The following TRIO variants were observed in gnomAD, a reference collection of about 807,000 sequenced individuals.
TRIO encodes trio Rho guanine nucleotide exchange factor, also known as triple functional domain protein.
In TRIO, 58 loss-of-function variants were observed where a neutral mutation model predicts 351.9. The ratio of observed to expected loss-of-function variants is 0.16; its 90% CI spans 0.13 to 0.21. TRIO has a LOEUF of 0.21. TRIO is among the 10% of genes least tolerant of loss of function. The pLI is 1.00. For synonymous variants in TRIO, 1,758 were observed against 1,595.7 expected (o/e 1.10, Z -2.42); for missense variants, 3,201 against 4,027.8 (o/e 0.79, Z 5.56).
chr5:14,247,082 C>T (rs1379357468), intron 1 of TRIO, among the ~76,000 whole-genome samples: 1 of 152,272 alleles, frequency 6.6e-6, no homozygotes, highest in Non-Finnish European at 1.5e-5. Flanking sequence ...TCCCCCTTCC[C>T]CACAGCTCAG....
chr5:14,171,801 T>G (rs1450841739), intron 1 of TRIO, among the ~76,000 whole-genome samples: 2 of 152,036 alleles, frequency 1.3e-5, no homozygotes, highest in Non-Finnish European at 2.9e-5. Context: ...TGGTCGGTGG[T>G]TAGTAGATAT....
chr5:14,245,098 G>A (rs16903330), intron 1 of TRIO, among the ~76,000 whole-genome samples: 5,207 of 152,308 alleles, frequency 0.034, 313 homozygotes, highest in African/African-American at 0.12. Context: ...TGAAAAGATA[G>A]CATTTGCTGT....
chr5:14,399,283 A>G (rs990006841), intron 30 of TRIO: 7 of 550,622 alleles, frequency 1.3e-5, no homozygotes, highest in African/African-American at 1.1e-4. Flanking sequence ...GACTTAGGAA[A>G]CTTGCTCTTC....
At position 14,507,244 on chromosome 5, in the gene TRIO, C is replaced by CA; in HGVS notation, c.8736dup (p.His2913ThrfsTer7). 1 of 1,611,696 alleles carries CA rather than the reference C, an allele frequency of 6.2e-7. No homozygotes were observed. The highest frequency in any genetic ancestry group is 1.1e-5 in the South Asian group (1 of 90,942). On this transcript the variant is annotated frameshift_variant, in exon 56 of 57. Coordinates refer to ENST00000344204, the MANE Select transcript of TRIO (RefSeq NM_007118.4). LOFTEE classifies it high-confidence loss of function. ...CGGTACCTGCACAACTGCAGGATAG[C>CA]ACACCTGGACCTAAAGGTTGGTGAG...
At chr5:14,394,695 G>A (rs1008696532) in intron 28 of TRIO, among the ~76,000 whole-genome samples, 64 of 152,232 alleles carry the variant, frequency 4.2e-4, no homozygotes, top group African/African-American at 1.4e-3. Context: ...CATACAGACC[G>A]CAAGTATTGG....
At chr5:14,230,683 G>A (rs746213009) in intron 1 of TRIO, among the ~76,000 whole-genome samples, 7 of 151,600 alleles carry the variant, frequency 4.6e-5, no homozygotes, top group Non-Finnish European at 7.4e-5. Context: ...CCCCTAATAC[G>A]GCCCCATTTT....
chr5:14,224,484 A>T (rs1792850396), intron 1 of TRIO, among the ~76,000 whole-genome samples: 1 of 152,220 alleles, frequency 6.6e-6, no homozygotes. Flanking sequence ...AAGGTGACAT[A>T]GTCTGTAATA....
At chr5:14,185,883 C>A (rs1790077948) in intron 1 of TRIO, among the ~76,000 whole-genome samples, 1 of 152,154 alleles carries the variant, frequency 6.6e-6, no homozygotes, top group South Asian at 2.1e-4. Flanking sequence ...AGTTTTTCAT[C>A]TTCCAATTGG....
intron 36 of TRIO, among the ~76,000 whole-genome samples, chr5:14,464,986 G>A (rs1032429488): frequency 1.3e-5 from 2 of 152,148 alleles, no homozygotes; most frequent in Non-Finnish European, 2.9e-5. Flanking sequence ...ATGGGGAAAT[G>A]GATGGCACAG....
Position 14,358,355 on chromosome 5 carries a change from T to C in TRIO, c.2216+8T>C. 4.3e-6 allele frequency: 7 copies of C among 1,613,774 alleles called. No homozygotes were observed. Among genetic ancestry groups the C allele is most frequent in the Non-Finnish European group, 5.9e-6 (7 of 1,179,740 alleles). ...CCTCATCCAGCAGCTCAGGTGGGCC[T>C]CACCCCTCTCCTGGTCCGAACAGAT... On this transcript the variant is annotated splice_region_variant and intron_variant, in intron 12 of 56. Transcript: ENST00000344204.
intron 1 of TRIO, among the ~76,000 whole-genome samples, chr5:14,175,028 T>C (rs1256048211): frequency 6.7e-6 from 1 of 150,070 alleles, no homozygotes; most frequent in Non-Finnish European, 1.5e-5. Flanking sequence ...CACATATTAC[T>C]TTAAAATCTT....
chr5:14,398,828 C>T, intron 29 of TRIO, 52 bp from the exon 30 acceptor site: 2 of 1,499,782 alleles, frequency 1.3e-6, no homozygotes, highest in Non-Finnish European at 1.8e-6. Flanking sequence ...TCTTGTGCAT[C>T]AGTTTTTATT....
chr5:14,507,101 CA>C lies in TRIO; in HGVS notation c.8613-20del. Reference sequence around the variant, plus strand: ...TCAAAGCAAATCGCATCATAACAGTCACCCGCTCCTGCCTCTTTAGGGCTGA... The same window carrying C: ...TCAAAGCAAATCGCATCATAACAGTCCCCGCTCCTGCCTCTTTAGGGCTGA... On this transcript the variant is annotated intron_variant, in intron 55 of 56. Coordinates refer to ENST00000344204, the MANE Select transcript of TRIO (RefSeq NM_007118.4). 1 of 1,561,514 alleles carries C rather than the reference CA, an allele frequency of 6.4e-7. No individual in the cohort carries two copies. The highest frequency in any genetic ancestry group is 1.2e-5 in the South Asian group (1 of 83,264).
At chr5:14,166,483 A>G (rs1199953128) in intron 1 of TRIO, among the ~76,000 whole-genome samples, 1 of 152,152 alleles carries the variant, frequency 6.6e-6, no homozygotes, top group Non-Finnish European at 1.5e-5. Flanking sequence ...ATTGTGGTAT[A>G]TTATTCCTTA....
At chr5:14,185,015 C>T (rs1200948476) in intron 1 of TRIO, among the ~76,000 whole-genome samples, 1 of 152,142 alleles carries the variant, frequency 6.6e-6, no homozygotes, top group Non-Finnish European at 1.5e-5. Flanking sequence ...CTCAGTCGTC[C>T]ATGACTCATG....
At chr5:14,306,954 T>C (rs1194695206) in intron 8 of TRIO, among the ~76,000 whole-genome samples, 1 of 152,190 alleles carries the variant, frequency 6.6e-6, no homozygotes, top group Non-Finnish European at 1.5e-5. Context: ...CCTCTCAAAC[T>C]GAGGTCTTAG....
chr5:14,487,497 ACAGCGGGGGCGGCGGCGGCGGCGG>A lies in TRIO; in HGVS notation c.6880_6903del (p.Gly2294_Gly2301del), dbSNP rs1175627957. On this transcript the variant is annotated inframe_deletion, in exon 48 of 57. Coordinates refer to ENST00000344204, the MANE Select transcript of TRIO (RefSeq NM_007118.4). The stretch of plus-strand genomic sequence containing the variant: ...TCGCCAATCGAGTACCAGAGGAACC[ACAGCGGGGGCGGCGGCGGCGGCGG>A]CAGCGGGGGCAGCGGCGGGGGTGGG... The A allele has an allele frequency of 4.6e-6, 5 of 1,088,780 alleles. No individual in the cohort carries two copies. Among genetic ancestry groups the A allele is most frequent in the Non-Finnish European group, 5.7e-6 (5 of 880,078 alleles). The allele number at this position is 1,088,780 out of a possible 1,614,324, so 67.4% of individuals were successfully genotyped here. A position where few individuals can be genotyped will look rare whatever the true frequency, so the allele number is the denominator to read the frequency against.
intron 1 of TRIO, among the ~76,000 whole-genome samples, chr5:14,242,340 C>G (rs967158777): frequency 3.9e-5 from 6 of 152,184 alleles, no homozygotes; most frequent in Admixed American, 1.3e-4. Context: ...TCTTAACCTA[C>G]AAATCTGAGT....
At chr5:14,289,535 A>G (rs1736731215) in intron 4 of TRIO, among the ~76,000 whole-genome samples, 1 of 147,706 alleles carries the variant, frequency 6.8e-6, no homozygotes, top group Non-Finnish European at 1.5e-5. Context: ...AAGACAGAGC[A>G]TGACCCTTTT....
Sources: gnomAD v4.1 joint callset for allele counts (sites outside exome capture counted in the v4.1 genomes callset) on GRCh38, gnomAD v4.1.1 for gene constraint, MANE v1.5 for transcripts, NCBI Gene and HGNC (gene_info 2026-07-23, HGNC 2026-07-21) for gene names.